NLGN1: variants seen among roughly 807,000 people sequenced by gnomAD.
NLGN1 encodes the protein neuroligin 1, also known as neuroligin-1.
A neutral mutation model predicts 65.5 loss-of-function variants in NLGN1; 12 were observed. That is an observed-to-expected ratio of 0.18 (90% CI 0.12 to 0.30). The LOEUF is 0.30. Among genes scored for constraint, NLGN1 ranks in the 10% least tolerant of loss-of-function variants. NLGN1 has a pLI of 1.00. For missense variants in NLGN1, 750 were observed against 1,007.1 expected, an observed-to-expected ratio of 0.74 and a Z score of 3.46; for synonymous variants, 350 against 359.5, an observed-to-expected ratio of 0.97 and a Z score of 0.30.
chr3:173,798,166 C>T (rs1288886879), intron 3 of NLGN1, among the ~76,000 whole-genome samples: 1 of 152,018 alleles, frequency 6.6e-6, no homozygotes, highest in Non-Finnish European at 1.5e-5. Flanking sequence ...TTTGAGCTCA[C>T]ATTAATGATT....
intron 3 of NLGN1, among the ~76,000 whole-genome samples, chr3:173,663,900 G>A (rs1761323905): frequency 6.6e-6 from 1 of 150,892 alleles, no homozygotes; most frequent in Admixed American, 6.6e-5. Flanking sequence ...TTTTCCCAAA[G>A]GAATCCTGCC....
At chr3:174,232,371 G>T (rs1478686557) in intron 4 of NLGN1, among the ~76,000 whole-genome samples, 2 of 152,114 alleles carry the variant, frequency 1.3e-5, no homozygotes, top group Admixed American at 1.3e-4. Context: ...GCAGGAACTG[G>T]CCATCTGGAT....
intron 4 of NLGN1, among the ~76,000 whole-genome samples, chr3:174,147,403 G>C (rs1317932363): frequency 1.8e-5 from 2 of 109,856 alleles, no homozygotes; most frequent in Non-Finnish European, 3.8e-5. Context: ...CTGAATTTTT[G>C]TGTAATGGCT....
rs561406364 is a variant in NLGN1, at chr3:173,425,731, A to G, written c.-389-9279A>G. Among the ~76,000 whole-genome samples, 15 of 152,206 alleles carry G rather than the reference A, an allele frequency of 9.9e-5. No homozygotes were observed. In the South Asian group the frequency reaches 2.9e-3, roughly 29 times the overall value. On this transcript the variant is annotated intron_variant, in intron 1 of 6. Transcript: ENST00000457714. ...CCAATATCATGCTGTTTTAGTTACT[A>G]TAGCCTTGTAGTATACTTTGAAGTC...
chr3:174,241,650 CTT>C (rs749477095), intron 4 of NLGN1, among the ~76,000 whole-genome samples: 22 of 143,762 alleles, frequency 1.5e-4, no homozygotes, highest in South Asian at 6.6e-4. Context: ...TCCAACATAT[CTT>C]TTTTTTTTTT....
chr3:173,609,681 TA>T (rs1751977278), intron 3 of NLGN1, among the ~76,000 whole-genome samples: 1 of 151,966 alleles, frequency 6.6e-6, no homozygotes, highest in East Asian at 1.9e-4. Context: ...AGTATTGCTC[TA>T]GGTACAGAGT....
chr3:174,191,216 T>C (rs1732336162), intron 4 of NLGN1, among the ~76,000 whole-genome samples: 1 of 152,114 alleles, frequency 6.6e-6, no homozygotes, highest in Non-Finnish European at 1.5e-5. Flanking sequence ...AAGATATTCA[T>C]ATGTAAATTA....
chr3:173,937,019 A>C (rs1337819459), intron 4 of NLGN1, among the ~76,000 whole-genome samples: 3 of 152,226 alleles, frequency 2.0e-5, no homozygotes, highest in East Asian at 3.9e-4. Flanking sequence ...AAACACAATG[A>C]AAGTTTTCTA....
intron 4 of NLGN1, among the ~76,000 whole-genome samples, chr3:174,081,192 G>T (rs1580190356): frequency 6.6e-6 from 1 of 152,198 alleles, no homozygotes; most frequent in South Asian, 2.1e-4. Flanking sequence ...CTCCATGTTG[G>T]TGTGCATTGG....
chr3:173,657,784 G>C (rs913466014), intron 3 of NLGN1, among the ~76,000 whole-genome samples: 1 of 151,794 alleles, frequency 6.6e-6, no homozygotes, highest in African/African-American at 2.4e-5. Flanking sequence ...AAGGAAGGTA[G>C]GAAGGAAGCC....
At chr3:173,935,732 A>G (rs1160729440) in intron 4 of NLGN1, among the ~76,000 whole-genome samples, 1 of 151,810 alleles carries the variant, frequency 6.6e-6, no homozygotes, top group African/African-American at 2.4e-5. Flanking sequence ...TGGATAGACT[A>G]GTGTGTTTTG....
rs185810514 is a variant in NLGN1 at position 173,488,493 on chromosome 3, G to C, written c.-321+53415G>C. Reference sequence around the variant, plus strand: ...CTGTAAGTGGTACACTTTTGCCTATGTCTATCTGAAAATATCTTTATTTCA... The same window carrying C: ...CTGTAAGTGGTACACTTTTGCCTATCTCTATCTGAAAATATCTTTATTTCA... On this transcript the variant is annotated intron_variant, in intron 2 of 6. Coordinates refer to ENST00000457714, the Ensembl canonical transcript of NLGN1. Among the ~76,000 whole-genome samples, 32 of 152,052 alleles carry C rather than the reference G, an allele frequency of 2.1e-4. No individual in the cohort carries two copies. The East Asian group carries it at 4.4e-3, about 21-fold the overall frequency.
At chr3:173,505,139 A>T (rs1245977321) in intron 2 of NLGN1, among the ~76,000 whole-genome samples, 1 of 151,600 alleles carries the variant, frequency 6.6e-6, no homozygotes, top group Admixed American at 6.6e-5. Context: ...CTCTTCAACC[A>T]TTGCTTGAGT....
chr3:173,825,352 AC>A (rs1278800890), intron 4 of NLGN1, among the ~76,000 whole-genome samples: 1 of 145,866 alleles, frequency 6.9e-6, no homozygotes, highest in Admixed American at 7.1e-5. Flanking sequence ...AATTGGAAAT[AC>A]CTTTTTGCAT....
intron 3 of NLGN1, among the ~76,000 whole-genome samples, chr3:173,623,168 G>T (rs186847722): frequency 6.6e-6 from 1 of 151,878 alleles, no homozygotes. Flanking sequence ...CATAAACCTC[G>T]GTGAAGGTTA....
chr3:173,904,595 G>T (rs1402596230), intron 4 of NLGN1, among the ~76,000 whole-genome samples: 1 of 151,850 alleles, frequency 6.6e-6, no homozygotes. Context: ...CGGTATGGCA[G>T]CTGGAGGAGG....
chr3:173,806,795 A>G (rs1716766613), intron 3 of NLGN1, among the ~76,000 whole-genome samples: 1 of 152,146 alleles, frequency 6.6e-6, no homozygotes, highest in African/African-American at 2.4e-5. Flanking sequence ...AAGTATGAGA[A>G]GAGCAAATAT....
rs146932552 is a variant in NLGN1, at chr3:174,249,207, A to C, written c.647-26108A>C. 3.3e-3 allele frequency among the ~76,000 whole-genome samples: 499 copies of C among 152,256 alleles called. 2 individuals are homozygous for C. The highest frequency in any genetic ancestry group is 0.011 in the African/African-American group (474 of 41,556). ...TTTCTATGATGTCACTGCTTCATTT[A>C]TGTATAGCCATAAGCTGAGAACTGC... On this transcript the variant is annotated intron_variant, in intron 4 of 6. Transcript: ENST00000457714.
chr3:173,494,993 T>C (rs1447762038), intron 2 of NLGN1, among the ~76,000 whole-genome samples: 1 of 151,810 alleles, frequency 6.6e-6, no homozygotes, highest in African/African-American at 2.4e-5. Flanking sequence ...ACATTCTAGA[T>C]GCTTTGCATT....
Sources: gnomAD v4.1 joint callset for allele counts (sites outside exome capture counted in the v4.1 genomes callset) on GRCh38, gnomAD v4.1.1 for gene constraint, MANE v1.5 for transcripts, NCBI Gene and HGNC (gene_info 2026-07-23, HGNC 2026-07-21) for gene names.